The following KHDC4 variants were observed in gnomAD, a reference collection of about 807,000 sequenced individuals.
KHDC4 encodes KH domain containing 4, pre-mRNA splicing factor.
A neutral mutation model predicts 74.5 loss-of-function variants in KHDC4; 19 were observed. The observed-to-expected ratio is 0.26, with a 90% CI of 0.18 to 0.37. The LOEUF (loss-of-function observed/expected upper bound fraction) is 0.37, where lower values mean the gene tolerates loss of function less well. Ranked by LOEUF, KHDC4 falls within the 10% of genes least tolerant of loss-of-function variation. KHDC4 has a pLI of 1.00. For missense variants in KHDC4, 632 were observed against 754.1 expected, an observed-to-expected ratio of 0.84 and a Z score of 1.90; for synonymous variants, 253 against 266.1, an observed-to-expected ratio of 0.95 and a Z score of 0.48.
intron 4 of KHDC4, among the ~76,000 whole-genome samples, chr1:155,928,161 T>C (rs1572012962): frequency 6.6e-6 from 1 of 151,654 alleles, no homozygotes; most frequent in Admixed American, 6.6e-5. Context: ...CCACCCGAGG[T>C]CAGGACTTTT....
intron 2 of KHDC4, chr1:155,932,845 CAG>C: frequency 6.6e-6 from 1 of 152,238 alleles, no homozygotes; most frequent in East Asian, 1.9e-4. Context: ...GCAGCAGAAT[CAG>C]AATCACTTGA....
chr1:155,927,181 G>T, intron 4 of KHDC4, 25 bp from the exon 5 acceptor site: 1 of 1,605,972 alleles, frequency 6.2e-7, no homozygotes, highest in South Asian at 1.1e-5. Context: ...AAAAAAGGAT[G>T]ATCTCAATGT....
At chr1:155,925,322 T>C (rs376311794) in intron 7 of KHDC4, among the ~76,000 whole-genome samples, 22 of 151,934 alleles carry the variant, frequency 1.4e-4, no homozygotes, top group African/African-American at 5.1e-4. Context: ...TGAGCCACCG[T>C]GCCCGCCTAA....
rs899531840 is a variant in KHDC4, at chr1:155,922,842, C to T, written c.954+785G>A. ...AAACAAAAAAACCAACCATGAGCTA[C>T]CCAATAAGGCACCAGAGAACACAAG... is the stretch of plus-strand genomic sequence containing the variant. On this transcript the variant is annotated intron_variant, in intron 8 of 13. Transcript: ENST00000368321. Among the ~76,000 whole-genome samples the T allele has an allele frequency of 5.9e-5, 9 of 152,144 alleles. 1 individual carries two copies. The highest frequency in any genetic ancestry group is 2.2e-4 in the African/African-American group (9 of 41,414).
Position 155,927,120 on chromosome 1 carries a change from T to A in KHDC4, c.501A>T (p.Thr167=). 6.2e-7 allele frequency: 1 copy of A among 1,613,984 alleles called. No individual in the cohort carries two copies. The highest frequency in any genetic ancestry group is 2.2e-5 in the East Asian group (1 of 44,880). Residue 167 remains threonine (T), a synonymous_variant, in exon 5 of 14, where the codon ACA becomes ACT. Coordinates refer to ENST00000368321, the MANE Select transcript of KHDC4 (RefSeq NM_014949.4). The part of the protein sequence containing the change: ...RPLYLHVQGQ[T]RELVDRAVNR... Reference sequence around the variant, plus strand: ...ATTACTTACTGTCCACTAATTCCCGTGTCTGGCCCTGAACATGAAGATATA... The same window carrying A: ...ATTACTTACTGTCCACTAATTCCCGAGTCTGGCCCTGAACATGAAGATATA...
At chr1:155,916,783 G>A (rs768054304) in intron 11 of KHDC4, 46 bp from the exon 12 acceptor site, 26 of 1,291,702 alleles carry the variant, frequency 2.0e-5, no homozygotes, top group African/African-American at 1.6e-4. Context: ...TACAACTGCC[G>A]TATTGACTTT....
At chr1:155,916,888 T>G (rs985771340) in intron 11 of KHDC4, 151 bp from the exon 12 acceptor site, 3 of 559,260 alleles carry the variant, frequency 5.4e-6, no homozygotes, top group Admixed American at 7.1e-5. Context: ...TGTGTAACTG[T>G]AGTCAAAAGT....
chr1:155,927,620 C>A (rs908330580), intron 4 of KHDC4, among the ~76,000 whole-genome samples: 2 of 151,542 alleles, frequency 1.3e-5, no homozygotes, highest in African/African-American at 2.4e-5. Context: ...GCCTGGCCAA[C>A]ATGGCAAAAC....
At chr1:155,932,873 G>A (rs1261776626) in intron 2 of KHDC4, among the ~76,000 whole-genome samples, 5 of 152,118 alleles carry the variant, frequency 3.3e-5, no homozygotes, top group Non-Finnish European at 5.9e-5. Flanking sequence ...GGAGACAGAG[G>A]TTGTAGTGAG....
intron 2 of KHDC4, among the ~76,000 whole-genome samples, chr1:155,931,516 T>C (rs11264421): frequency 0.87 from 132,687 of 152,212 alleles, 58,395 homozygotes; most frequent in East Asian, 1. Context: ...GAAGAGACTG[T>C]GCCACTGCAC....
chr1:155,920,598 T>C (rs1241817002), intron 10 of KHDC4, among the ~76,000 whole-genome samples: 1 of 152,182 alleles, frequency 6.6e-6, no homozygotes, highest in Non-Finnish European at 1.5e-5. Context: ...TGGAGTGCAC[T>C]GGCACCATCT....
intron 9 of KHDC4, 29 bp downstream of exon 9, chr1:155,921,832 A>G: frequency 6.4e-7 from 1 of 1,553,376 alleles, no homozygotes; most frequent in South Asian, 1.1e-5. Flanking sequence ...CTAGCAAAAT[A>G]TTTTTTAAAC....
rs1192635946 is a variant in KHDC4 at position 155,926,484 on chromosome 1, C to A, written c.681+192G>T. 6 of 592,148 alleles carry A rather than the reference C, an allele frequency of 1.0e-5. No individual in the cohort carries two copies. The East Asian group carries it at 1.8e-4, about 18-fold the overall frequency. 36.7% of individuals were successfully genotyped at this position (592,148 alleles called of 1,614,324 possible). On this transcript the variant is annotated intron_variant, in intron 6 of 13. Coordinates refer to ENST00000368321, the MANE Select transcript of KHDC4 (RefSeq NM_014949.4). ...AGCTGGGGTTACAGGTGCCTGCCACCATGCCCGGGTAATGTTCGTGACGGG... is the reference window on the plus strand; with the variant it reads ...AGCTGGGGTTACAGGTGCCTGCCACAATGCCCGGGTAATGTTCGTGACGGG...
chr1:155,919,861 T>G (rs1170495287), intron 10 of KHDC4: 1 of 254,318 alleles, frequency 3.9e-6, no homozygotes. Context: ...TAAAATAAAT[T>G]TGACTAGAGA....
chr1:155,929,218 T>C (rs1674091186), intron 4 of KHDC4, 78 bp downstream of exon 4: 2 of 963,794 alleles, frequency 2.1e-6, no homozygotes, highest in Non-Finnish European at 3.4e-6. Flanking sequence ...GTACACGTAT[T>C]ACCTAAGGAT....
intron 4 of KHDC4, among the ~76,000 whole-genome samples, chr1:155,928,457 T>C (rs1674069514): frequency 6.6e-6 from 1 of 152,162 alleles, no homozygotes; most frequent in South Asian, 2.1e-4. Context: ...TTTAAGCTAA[T>C]GTTAAAAATG....
chr1:155,931,196 A>G (rs1674133257), intron 2 of KHDC4, among the ~76,000 whole-genome samples: 1 of 149,586 alleles, frequency 6.7e-6, no homozygotes. Flanking sequence ...GTGGCATGAG[A>G]CTGTAGTCTC....
At chr1:155,924,510 T>G (rs370272911) in intron 7 of KHDC4, among the ~76,000 whole-genome samples, 2 of 151,964 alleles carry the variant, frequency 1.3e-5, no homozygotes, top group African/African-American at 4.8e-5. Flanking sequence ...TTGTACAGAC[T>G]TGTACAAAAC....
intron 11 of KHDC4, chr1:155,917,014 T>C (rs1437743403): frequency 2.2e-5 from 6 of 276,834 alleles, no homozygotes; most frequent in Non-Finnish European, 1.3e-5. Flanking sequence ...TAAACCTAGC[T>C]AGAAACTATA....
Sources: allele counts gnomAD v4.1 joint callset (sites outside exome capture counted in the v4.1 genomes callset), GRCh38; gene constraint gnomAD v4.1.1; transcripts MANE v1.5; gene names NCBI Gene and HGNC (gene_info 2026-07-23, HGNC 2026-07-21).